The following NCOA6 variants were observed in gnomAD, a reference collection of about 807,000 sequenced individuals.
NCOA6 encodes the protein NRC RAP250.
NCOA6 carries 49 observed loss-of-function variants against 171.4 expected under a neutral mutation model. The ratio of observed to expected loss-of-function variants is 0.29; its 90% CI spans 0.23 to 0.36. The LOEUF (loss-of-function observed/expected upper bound fraction) is 0.36. Ranked by LOEUF, NCOA6 falls within the 10% of genes least tolerant of loss-of-function variation. The pLI is 1.00. For missense variants in NCOA6, 2,248 were observed against 2,554.5 expected, an observed-to-expected ratio of 0.88 and a Z score of 2.59; for synonymous variants, 910 against 927.5, an observed-to-expected ratio of 0.98 and a Z score of 0.34.
chr20:34,738,803 G>C, intron 11 of NCOA6: 3 of 448,980 alleles, frequency 6.7e-6, no homozygotes, highest in Non-Finnish European at 1.4e-5. Context: ...AGAGGTTAAG[G>C]AACGTATCAA....
intron 11 of NCOA6, among the ~76,000 whole-genome samples, chr20:34,737,476 C>G (rs10485506): frequency 0.034 from 5,130 of 152,172 alleles, 325 homozygotes; most frequent in East Asian, 0.23. Flanking sequence ...GAAGGAGTCA[C>G]AAAGTATAAA....
At chr20:34,758,372 A>AT (rs1378450702) in intron 6 of NCOA6, among the ~76,000 whole-genome samples, 4 of 152,230 alleles carry the variant, frequency 2.6e-5, no homozygotes, top group Admixed American at 1.3e-4. Context: ...GAACTATGTT[A>AT]ATTAGCATTA....
intron 1 of NCOA6, among the ~76,000 whole-genome samples, chr20:34,796,885 C>T (rs767570552): frequency 1.3e-5 from 2 of 151,684 alleles, no homozygotes; most frequent in South Asian, 2.1e-4. Flanking sequence ...AGGGTGAGAT[C>T]GAGACTTCTC....
In NCOA6 at chr20:34,742,452, CCT is replaced by C. The variant is rs1283144216; in HGVS notation, c.3802_3803del (p.Arg1268GlyfsTer3). On this transcript the variant is annotated frameshift_variant, in exon 11 of 15. Transcript: ENST00000359003. LOFTEE classifies it high-confidence loss of function. ...IPLPPRPNLN[R>X]GFDQQGLNPT... ...GATTTAGGCCTTGTTGATCAAAGCC[CCT>C]GTTTAAATTTGGCCTAGGAGGTAAA... is the stretch of plus-strand genomic sequence containing the variant. 1 of 1,614,122 alleles carries C rather than the reference CCT, an allele frequency of 6.2e-7. No homozygotes were observed.
chr20:34,820,110 T>C (rs952445378), intron 1 of NCOA6: 3 of 152,244 alleles, frequency 2.0e-5, no homozygotes, highest in Admixed American at 6.5e-5. Context: ...TAAAGAATAA[T>C]TGCAGGCTGG....
intron 2 of NCOA6, among the ~76,000 whole-genome samples, chr20:34,788,066 C>T (rs773972067): frequency 2.6e-5 from 4 of 152,124 alleles, no homozygotes; most frequent in Non-Finnish European, 5.9e-5. Context: ...GGAGTTTCAC[C>T]GTGTTGCCCA....
rs760944589 is a variant in NCOA6, at chr20:34,743,272, G to C, written c.2984C>G (p.Ala995Gly). 16 of 1,613,800 alleles carry C rather than the reference G, an allele frequency of 9.9e-6. No homozygotes were observed. The highest frequency in any genetic ancestry group is 1.4e-5 in the Non-Finnish European group (16 of 1,179,958). ...QMPPQLMQHVAPPPQPPQQQP... is the reference protein window; with the variant it reads ...QMPPQLMQHVGPPPQPPQQQP... ...CTGCTGTGGTGGCTGTGGTGGGGGT[G>C]CCACATGCTGCATGAGTTGAGGAGG... Residue 995 changes from alanine (A) to glycine (G), a missense_variant, in exon 11 of 15, where the codon GCA becomes GGA. Transcript: ENST00000359003.
At chr20:34,723,889 GGT>G (rs1989663325) in intron 14 of NCOA6, among the ~76,000 whole-genome samples, 1 of 152,038 alleles carries the variant, frequency 6.6e-6, no homozygotes, top group African/African-American at 2.4e-5. Context: ...CCAAAAATCT[GGT>G]GTGTGACATC....
chr20:34,812,938 T>C (rs771044646), intron 1 of NCOA6, among the ~76,000 whole-genome samples: 8 of 152,134 alleles, frequency 5.3e-5, no homozygotes, highest in South Asian at 2.1e-4. Flanking sequence ...GTAGACCACC[T>C]ATAATGAGGT....
chr20:34,811,201 G>GTGTATA (rs1555858015), intron 1 of NCOA6, among the ~76,000 whole-genome samples: 1 of 53,840 alleles, frequency 1.9e-5, no homozygotes, highest in Admixed American at 1.8e-4. Context: ...ACAACAACGT[G>GTGTATA]TATATATATA....
chr20:34,759,029 G>T (rs910753606), intron 5 of NCOA6, 96 bp from the exon 6 acceptor site: 397 of 1,060,404 alleles, frequency 3.7e-4, no homozygotes, highest in Admixed American at 1.1e-3. Context: ...TGGAAAATTT[G>T]TTTTTTTTTT....
intron 8 of NCOA6, among the ~76,000 whole-genome samples, chr20:34,750,911 G>C (rs1180955350): frequency 6.6e-6 from 1 of 152,198 alleles, no homozygotes; most frequent in Non-Finnish European, 1.5e-5. Flanking sequence ...CACTTTGGGA[G>C]GCTGAGGCAG....
intron 1 of NCOA6, among the ~76,000 whole-genome samples, chr20:34,797,146 T>C (rs150391967): frequency 6.6e-6 from 1 of 152,128 alleles, no homozygotes; most frequent in South Asian, 2.1e-4. Flanking sequence ...TCAGCCAGCA[T>C]GGCCAAGGAG....
At chr20:34,801,819 T>C (rs2078265849) in intron 1 of NCOA6, among the ~76,000 whole-genome samples, 1 of 152,040 alleles carries the variant, frequency 6.6e-6, no homozygotes, top group Non-Finnish European at 1.5e-5. Flanking sequence ...GAGCCGAGAT[T>C]GCATCAATGC....
chr20:34,736,573 C>G (rs2075965538), intron 12 of NCOA6, 117 bp downstream of exon 12: 1 of 824,622 alleles, frequency 1.2e-6, no homozygotes, highest in East Asian at 2.8e-5. Context: ...CTGAAGCAAA[C>G]AGATAAAATA....
At chr20:34,737,096 C>T (rs1286965707) in intron 11 of NCOA6, among the ~76,000 whole-genome samples, 2 of 152,136 alleles carry the variant, frequency 1.3e-5, no homozygotes, top group Non-Finnish European at 2.9e-5. Flanking sequence ...CAAAGCATAT[C>T]TTAGTAGGCA....
chr20:34,823,389 A>G (rs999499523), intron 1 of NCOA6, among the ~76,000 whole-genome samples: 3 of 152,016 alleles, frequency 2.0e-5, no homozygotes, highest in African/African-American at 7.3e-5. Flanking sequence ...GAAAAGAAAA[A>G]CCCAGAACAA....
intron 1 of NCOA6, among the ~76,000 whole-genome samples, chr20:34,822,088 C>A (rs376630052): frequency 9.2e-5 from 14 of 152,258 alleles, no homozygotes; most frequent in South Asian, 2.1e-4. Context: ...TAGTTCAGAT[C>A]CTCATTACTT....
At chr20:34,772,794 C>T (rs1449279230) in intron 4 of NCOA6, among the ~76,000 whole-genome samples, 1 of 152,160 alleles carries the variant, frequency 6.6e-6, no homozygotes, top group Non-Finnish European at 1.5e-5. Flanking sequence ...CGAATATACA[C>T]TCTCATTCTT....
Sources: gnomAD v4.1 joint callset for allele counts (sites outside exome capture counted in the v4.1 genomes callset) on GRCh38, gnomAD v4.1.1 for gene constraint, MANE v1.5 for transcripts, NCBI Gene and HGNC (gene_info 2026-07-23, HGNC 2026-07-21) for gene names.